Variants in RTBDN observed in about 807,000 individuals in gnomAD.
RTBDN encodes retbindin.
In RTBDN, 24 loss-of-function variants were observed where a neutral mutation model predicts 21.9. The ratio of observed to expected loss-of-function variants is 1.10; its 90% confidence interval spans 0.79 to 1.54. The LOEUF is 1.54. Among genes scored for constraint, RTBDN ranks in the 40% most tolerant of loss-of-function variants. RTBDN has a pLI of 0.00. For missense variants in RTBDN, 325 were observed against 315.2 expected (o/e 1.03, Z -0.23); for synonymous variants, 141 against 125.9 (o/e 1.12, Z -0.80).
At position 12,834,360 on chromosome 19, in the gene RTBDN, C is replaced by T. The variant is rs775266997; in HGVS notation, c.-19+129G>A. On this transcript the variant is annotated intron_variant, in intron 1 of 5. Transcript: ENST00000674343. This position sits in a 1 kb window ranked among gnomAD's most constrained non-coding sequence, Gnocchi z 4.7. ...AGGGGGCGCAGAGCAAAGTTATTGC[C>T]CTAGGGCTCATGCCCCTCGGGGCCA... The T allele has an allele frequency of 1.4e-5, 10 of 703,826 alleles. No individual in the cohort carries two copies. Among genetic ancestry groups the T allele is most frequent in the Admixed American group, 2.5e-5 (1 of 40,458 alleles). The allele number at this position is 703,826 out of a possible 1,614,324, so 43.6% of individuals were successfully genotyped here.
At chr19:12,834,959 C>T (rs1969706222), upstream of RTBDN, 5 of 1,550,792 alleles carry the variant, frequency 3.2e-6, no homozygotes, top group African/African-American at 4.1e-5. This position sits in a 1 kb window ranked among gnomAD's most constrained non-coding sequence, Gnocchi z 4.7. Context: ...TCTGGCCCTT[C>T]TGAGCCTCCT....
At chr19:12,833,226 G>A (rs1182522000) in intron 1 of RTBDN, among the ~76,000 whole-genome samples, 1 of 152,104 alleles carries the variant, frequency 6.6e-6, no homozygotes, top group Non-Finnish European at 1.5e-5. Flanking sequence ...GTGAAGACGG[G>A]TCTCCTCAGT....
Position 12,834,131 on chromosome 19 carries a change from C to G in RTBDN, c.-19+358G>C, listed in dbSNP as rs948395498. The G allele has an allele frequency of 4.0e-5, 16 of 401,378 alleles. No homozygotes were observed. The highest frequency in any genetic ancestry group is 3.1e-4 in the African/African-American group (15 of 48,524). 24.9% of individuals were successfully genotyped at this position (401,378 alleles called of 1,614,324 possible). On this transcript the variant is annotated intron_variant, in intron 1 of 5. Coordinates refer to ENST00000674343, the MANE Select transcript of RTBDN (RefSeq NM_001270441.2). This position sits in a 1 kb window ranked among gnomAD's most constrained non-coding sequence, Gnocchi z 4.7. The stretch of plus-strand genomic sequence containing the variant: ...CGCCCCCACCCATAGGTTCGGGACG[C>G]TAACCGCGGGGAACGCTGTGGCCGC...
chr19:12,826,409 G>C (rs775695974), intron 5 of RTBDN: 1 of 1,265,818 alleles, frequency 7.9e-7, no homozygotes, highest in South Asian at 1.4e-5. Context: ...AGAACTTGGT[G>C]GGGGCCGGGG....
chr19:12,828,747 T>C lies in RTBDN; in HGVS notation c.275A>G (p.His92Arg). ...PSPECESFLE[H>R]LQRALRSRFR... is the part of the protein sequence containing the mutation. ...GCGACTGCGAAGGGCACGTTGGAGG[T>C]GTTCCAGGAAGGATTCGCATCTGGA... The change falls in exon 4 of 6, where the codon CAC becomes CGC. Residue 92 changes from histidine to arginine, a missense_variant. By Grantham distance (29) the His-to-Arg change is conservative. Transcript: ENST00000674343. 6.2e-7 allele frequency: 1 copy of C among 1,614,104 alleles called. No individual in the cohort carries two copies. The highest frequency in any genetic ancestry group is 1.1e-5 in the South Asian group (1 of 91,074).
intron 4 of RTBDN, among the ~76,000 whole-genome samples, chr19:12,827,661 G>T (rs1238237704): frequency 1.3e-5 from 2 of 152,008 alleles, no homozygotes; most frequent in Non-Finnish European, 2.9e-5. Context: ...TTGAGACTGG[G>T]TCTTGCCATG....
intron 1 of RTBDN, chr19:12,833,924 C>T (rs1350893658): frequency 2.6e-6 from 1 of 390,426 alleles, no homozygotes; most frequent in Admixed American, 4.5e-5. Context: ...GCCGCCGCTA[C>T]CTCCCTCCTC....
chr19:12,825,505 A>T lies in RTBDN; in HGVS notation c.*201T>A. On this transcript the variant is annotated 3_prime_UTR_variant, in exon 6 of 6. Coordinates refer to ENST00000674343, the MANE Select transcript of RTBDN (RefSeq NM_001270441.2). ...CGTGCTCTAGCTGGCGACTTTATTC[A>T]AAGGGGAGAGGGAAAAGTGAGAGAG... 1 of 819,518 alleles carries T rather than the reference A, an allele frequency of 1.2e-6. No individual in the cohort carries two copies. Among genetic ancestry groups the T allele is most frequent in the East Asian group, 3.0e-5 (1 of 33,668 alleles). The allele number at this position is 819,518 out of a possible 1,614,324, so 50.8% of individuals were successfully genotyped here. A position where few individuals can be genotyped will look rare whatever the true frequency, so the allele number is the denominator to read the frequency against.
Position 12,829,802 on chromosome 19 carries a change from G to A in RTBDN, c.169+9C>T. On this transcript the variant is annotated intron_variant, in intron 2 of 5. Coordinates refer to ENST00000674343, the MANE Select transcript of RTBDN (RefSeq NM_001270441.2). ...GTGTTGGTGGTGAGGCAGGGTCTGGGGTGCTCACCTGCCAGGTGCAGCTTG... is the reference window on the plus strand; with the variant it reads ...GTGTTGGTGGTGAGGCAGGGTCTGGAGTGCTCACCTGCCAGGTGCAGCTTG... 1 of 1,605,614 alleles carries A rather than the reference G, an allele frequency of 6.2e-7. No individual in the cohort carries two copies. Among genetic ancestry groups the A allele is most frequent in the Non-Finnish European group, 8.5e-7 (1 of 1,173,166 alleles).
upstream of RTBDN, chr19:12,834,670 G>A: frequency 6.5e-7 from 1 of 1,539,816 alleles, no homozygotes; most frequent in Non-Finnish European, 8.9e-7. The surrounding 1 kb of genome is among the most constrained non-coding windows in gnomAD (Gnocchi z 4.7). Flanking sequence ...GAAGATGCTG[G>A]TCTCGAGGCT....
chr19:12,832,799 C>A (rs1216564486), intron 1 of RTBDN: 2 of 151,904 alleles, frequency 1.3e-5, no homozygotes, highest in African/African-American at 4.8e-5. Flanking sequence ...CTCGCCGTCG[C>A]CCCCGTCGTC....
intron 4 of RTBDN, 78 bp from the exon 5 acceptor site, chr19:12,826,949 T>C (rs1599549873): frequency 1.0e-6 from 1 of 991,968 alleles, no homozygotes; most frequent in East Asian, 2.6e-5. Context: ...CTAGACTGTG[T>C]TCACTATATG....
chr19:12,835,077 C>T (rs773804741), upstream of RTBDN: 6 of 1,612,354 alleles, frequency 3.7e-6, no homozygotes, highest in African/African-American at 6.7e-5. Flanking sequence ...GGATTCAAAC[C>T]CTCACCTAGG....
upstream of RTBDN, chr19:12,835,212 G>C (rs1231417651): frequency 2.0e-6 from 2 of 990,784 alleles, no homozygotes; most frequent in Non-Finnish European, 3.2e-6. Flanking sequence ...CAGGCGTCTG[G>C]GTAACGCCGG....
upstream of RTBDN, chr19:12,835,179 A>G (rs1652550417): frequency 7.1e-7 from 1 of 1,399,276 alleles, no homozygotes; most frequent in African/African-American, 1.4e-5. Context: ...AAAAATGGTG[A>G]TCAGACTGCA....
intron 4 of RTBDN, 39 bp from the exon 5 acceptor site, chr19:12,826,910 AGT>A: frequency 4.3e-6 from 6 of 1,403,178 alleles, no homozygotes; most frequent in African/African-American, 1.4e-5. Flanking sequence ...AAGCCTTTGT[AGT>A]TACATTCCAG....
chr19:12,834,954 C>A (rs1969706164), upstream of RTBDN: 1 of 1,539,420 alleles, frequency 6.5e-7, no homozygotes, highest in Admixed American at 1.7e-5. This position sits in a 1 kb window ranked among gnomAD's most constrained non-coding sequence, Gnocchi z 4.7. Flanking sequence ...TGGGGTCTGG[C>A]CCTTCTGAGC....
intron 2 of RTBDN, among the ~76,000 whole-genome samples, chr19:12,829,309 C>T (rs927658592): frequency 6.6e-6 from 1 of 151,766 alleles, no homozygotes; most frequent in Admixed American, 6.6e-5. Context: ...TCAAACAATT[C>T]TCGTGCCTAA....
chr19:12,829,504 A>G (rs1969468059), intron 2 of RTBDN, among the ~76,000 whole-genome samples: 1 of 152,134 alleles, frequency 6.6e-6, no homozygotes, highest in Non-Finnish European at 1.5e-5. Context: ...AGCCCTGCTC[A>G]TATGCTTATA....
Sources: allele counts gnomAD v4.1 joint callset (sites outside exome capture counted in the v4.1 genomes callset), GRCh38; gene constraint gnomAD v4.1.1; non-coding constraint Gnocchi (gnomAD v3.1); transcripts MANE v1.5; gene names NCBI Gene and HGNC (gene_info 2026-07-23, HGNC 2026-07-21).